Variants in FTCDNL1 observed in about 807,000 individuals in gnomAD.
The protein encoded by FTCDNL1 is formiminotransferase N-terminal subdomain-containing protein.
Under a neutral mutation model 5.9 loss-of-function variants are expected in FTCDNL1, and 11 were observed. The ratio of observed to expected loss-of-function variants is 1.87; its 90% CI spans 1.18 to 3.10. The LOEUF is 3.10. Ranked by LOEUF, FTCDNL1 falls within the 30% of genes most tolerant of loss-of-function variation. The probability of loss-of-function intolerance (pLI) is 0.00; values close to 1 mark genes in which losing one functional copy is unlikely to be tolerated. For missense variants in FTCDNL1, 115 were observed against 65.5 expected (o/e 1.76, Z -2.61); for synonymous variants, 58 against 24.8 (o/e 2.34, Z -3.99).
chr2:199,789,955 C>A lies in FTCDNL1; in HGVS notation c.212-29120G>T, dbSNP rs530153225. ...ACTGAAGACATAAAATAAGGTCTGGCAAGTGGAAGGATACACCATGTTCTT... is the reference window on the plus strand; with the variant it reads ...ACTGAAGACATAAAATAAGGTCTGGAAAGTGGAAGGATACACCATGTTCTT... On this transcript the variant is annotated intron_variant, in intron 3 of 3. Coordinates refer to the FTCDNL1 transcript ENST00000416668. Among the ~76,000 whole-genome samples, 21 of 152,050 alleles carry A rather than the reference C, an allele frequency of 1.4e-4. No individual in the cohort carries two copies. In the South Asian group the frequency reaches 4.2e-3, roughly 30 times the overall value.
chr2:199,710,132 C>T, the FTCDNL1 span, among the ~76,000 whole-genome samples: 547 of 152,226 alleles, frequency 3.6e-3, 5 homozygotes, highest in African/African-American at 0.013. Context: ...CTACACTCTG[C>T]CTTCTTGTTT....
intron 3 of FTCDNL1, among the ~76,000 whole-genome samples, chr2:199,780,132 G>A (rs918543914): frequency 5.9e-5 from 9 of 152,196 alleles, no homozygotes; most frequent in Admixed American, 4.6e-4. Context: ...AAGCAGGACT[G>A]GACAGAGAAA....
the FTCDNL1 span, among the ~76,000 whole-genome samples, chr2:199,671,787 C>T: frequency 6.6e-6 from 1 of 152,030 alleles, no homozygotes; most frequent in Non-Finnish European, 1.5e-5. Context: ...TCTGTCTCAC[C>T]CAGAGTACCT....
the FTCDNL1 span, among the ~76,000 whole-genome samples, chr2:199,746,960 C>T: frequency 2.0e-5 from 3 of 151,630 alleles, no homozygotes; most frequent in Admixed American, 1.3e-4. Context: ...GTGAGGTTCT[C>T]GTGAATTTTG....
At chr2:199,669,639 C>A in the FTCDNL1 span, among the ~76,000 whole-genome samples, 1 of 152,168 alleles carries the variant, frequency 6.6e-6, no homozygotes, top group African/African-American at 2.4e-5. Context: ...TTATTTAACT[C>A]ATCAAGACAT....
At chr2:199,803,037 TA>T (rs146863149) in intron 3 of FTCDNL1, among the ~76,000 whole-genome samples, 2 of 150,336 alleles carry the variant, frequency 1.3e-5, no homozygotes, top group Non-Finnish European at 3.0e-5. Context: ...TAAAAAGAAA[TA>T]AAAAAATTAG....
At chr2:199,737,949 G>A in the FTCDNL1 span, among the ~76,000 whole-genome samples, 3 of 152,170 alleles carry the variant, frequency 2.0e-5, no homozygotes, top group South Asian at 6.2e-4. Context: ...GTTTCTTCCT[G>A]TCTGTTGGGG....
At chr2:199,681,596 T>A in the FTCDNL1 span, among the ~76,000 whole-genome samples, 2 of 152,180 alleles carry the variant, frequency 1.3e-5, no homozygotes, top group Admixed American at 6.5e-5. Flanking sequence ...ACAAAGTCAG[T>A]CTATTGTCCT....
At chr2:199,691,161 T>TTAA in the FTCDNL1 span, among the ~76,000 whole-genome samples, 1 of 152,134 alleles carries the variant, frequency 6.6e-6, no homozygotes, top group African/African-American at 2.4e-5. Context: ...CAATTTTTAC[T>TTAA]TATTTATTTA....
downstream of FTCDNL1, among the ~76,000 whole-genome samples, chr2:199,806,781 C>A (rs1700746810): frequency 6.6e-6 from 1 of 152,168 alleles, no homozygotes; most frequent in Non-Finnish European, 1.5e-5. Context: ...ACACACAAAA[C>A]CTTATCACCT....
intron 3 of FTCDNL1, among the ~76,000 whole-genome samples, chr2:199,784,648 G>A (rs750456944): frequency 2.5e-4 from 38 of 152,298 alleles, no homozygotes; most frequent in Non-Finnish European, 1.8e-4. Context: ...AGCTGTTGGA[G>A]CTGGGACTCT....
At position 199,840,481 on chromosome 2, in the gene FTCDNL1, A is replaced by T. The variant is rs180871914; in HGVS notation, c.211+5594T>A. Among the ~76,000 whole-genome samples the T allele has an allele frequency of 3.0e-4, 45 of 151,766 alleles. No individual in the cohort carries two copies. In the East Asian group the frequency reaches 8.7e-3, roughly 29 times the overall value. On this transcript the variant is annotated intron_variant, in intron 3 of 4. Coordinates refer to ENST00000420128, the MANE Select transcript of FTCDNL1 (RefSeq NM_001363886.2). The stretch of plus-strand genomic sequence containing the variant: ...AGTGGTGTGTGTCTGTGTTTGTGTG[A>T]GTGTGTGTGTGTTAGAGATGAGAGG...
the FTCDNL1 span, among the ~76,000 whole-genome samples, chr2:199,700,882 T>C: frequency 2.7e-5 from 4 of 150,864 alleles, no homozygotes; most frequent in Non-Finnish European, 5.9e-5. Context: ...TATACAAAAA[T>C]CAACTCAAGA....
the FTCDNL1 span, among the ~76,000 whole-genome samples, chr2:199,670,315 A>G: frequency 6.6e-6 from 1 of 152,120 alleles, no homozygotes; most frequent in East Asian, 1.9e-4. Context: ...CAACAATGAG[A>G]TTTTTAAACT....
At chr2:199,678,166 A>G in the FTCDNL1 span, among the ~76,000 whole-genome samples, 1 of 152,206 alleles carries the variant, frequency 6.6e-6, no homozygotes, top group Non-Finnish European at 1.5e-5. Flanking sequence ...GAAACAGTAA[A>G]TAAATAAGTA....
chr2:199,688,528 A>C, the FTCDNL1 span, among the ~76,000 whole-genome samples: 1 of 152,042 alleles, frequency 6.6e-6, no homozygotes. Context: ...TGGTTCCCCA[A>C]CCTCACTCAC....
chr2:199,765,686 C>T (rs1363389681), intron 3 of FTCDNL1, among the ~76,000 whole-genome samples: 1 of 150,650 alleles, frequency 6.6e-6, no homozygotes, highest in Admixed American at 6.6e-5. Context: ...GGACCACAGG[C>T]GTACACTATC....
chr2:199,671,514 A>G, the FTCDNL1 span, among the ~76,000 whole-genome samples: 2 of 152,196 alleles, frequency 1.3e-5, no homozygotes, highest in African/African-American at 4.8e-5. Flanking sequence ...CATATCCTGG[A>G]CGAGTCAAGT....
chr2:199,783,444 T>A (rs1331279294), intron 3 of FTCDNL1, among the ~76,000 whole-genome samples: 1 of 152,196 alleles, frequency 6.6e-6, no homozygotes. Flanking sequence ...CACCCTTCAA[T>A]TATTGGCCAT....
Sources: gnomAD v4.1 joint callset for allele counts (sites outside exome capture counted in the v4.1 genomes callset) on GRCh38, gnomAD v4.1.1 for gene constraint, MANE v1.5 for transcripts, NCBI Gene and HGNC (gene_info 2026-07-23, HGNC 2026-07-21) for gene names.